Variants in LRRC4C observed in about 807,000 individuals in gnomAD.
LRRC4C encodes the protein leucine rich repeat containing 4C, also known as leucine-rich repeat-containing protein 4C.
Under a neutral mutation model 33.6 loss-of-function variants are expected in LRRC4C, and 5 were observed. The observed-to-expected ratio is 0.15, with a 90% confidence interval of 0.08 to 0.31. The LOEUF (loss-of-function observed/expected upper bound fraction) is 0.31. LRRC4C is among the 10% of genes least tolerant of loss of function. The pLI is 1.00. For synonymous variants in LRRC4C, 329 were observed against 302.0 expected, an observed-to-expected ratio of 1.09 and a Z score of -0.93; for missense variants, 560 against 796.7, an observed-to-expected ratio of 0.70 and a Z score of 3.58.
chr11:40,436,509 C>A (rs137967669), intron 3 of LRRC4C, among the ~76,000 whole-genome samples: 1 of 152,238 alleles, frequency 6.6e-6, no homozygotes, highest in East Asian at 1.9e-4. Context: ...ACAAAGTTGG[C>A]AAGGGTTAGT....
intron 4 of LRRC4C, among the ~76,000 whole-genome samples, chr11:40,261,123 T>G (rs928146931): frequency 6.6e-6 from 1 of 152,116 alleles, no homozygotes; most frequent in African/African-American, 2.4e-5. Flanking sequence ...TCAAGTGATC[T>G]TCCCACAGCA....
chr11:40,469,427 C>A (rs1054889483), intron 3 of LRRC4C, among the ~76,000 whole-genome samples: 1 of 152,268 alleles, frequency 6.6e-6, no homozygotes, highest in Admixed American at 6.5e-5. Flanking sequence ...CACCAGGGCC[C>A]TGGGTTTCAA....
chr11:40,393,927 T>C (rs1221742135), intron 3 of LRRC4C, among the ~76,000 whole-genome samples: 1 of 152,040 alleles, frequency 6.6e-6, no homozygotes, highest in Non-Finnish European at 1.5e-5. Flanking sequence ...TGGATGCACA[T>C]ATGACTCTTA....
At chr11:40,886,538 A>G (rs1955465265) in intron 2 of LRRC4C, among the ~76,000 whole-genome samples, 1 of 151,950 alleles carries the variant, frequency 6.6e-6, no homozygotes, top group Non-Finnish European at 1.5e-5. Context: ...TAGAAACAAA[A>G]GGGAGTTCTC....
At chr11:40,145,094 C>T (rs1164817692) in intron 5 of LRRC4C, among the ~76,000 whole-genome samples, 2 of 152,180 alleles carry the variant, frequency 1.3e-5, no homozygotes, top group Non-Finnish European at 2.9e-5. Flanking sequence ...GGCATGCATA[C>T]ACCCCAGTAA....
intron 1 of LRRC4C, among the ~76,000 whole-genome samples, chr11:41,336,208 C>G (rs1439275583): frequency 2.6e-5 from 4 of 151,200 alleles, no homozygotes; most frequent in African/African-American, 9.7e-5. Context: ...AAGATTTACC[C>G]TAAAAGATGA....
intron 1 of LRRC4C, among the ~76,000 whole-genome samples, chr11:41,278,605 C>A (rs1301957261): frequency 1.3e-5 from 2 of 152,146 alleles, no homozygotes; most frequent in East Asian, 3.9e-4. Context: ...TGGGCCTCGC[C>A]CCCTGTGTTT....
chr11:40,668,499 C>A (rs774898362), intron 2 of LRRC4C, among the ~76,000 whole-genome samples: 2 of 152,130 alleles, frequency 1.3e-5, no homozygotes, highest in African/African-American at 4.8e-5. Context: ...GGGAAGAAGG[C>A]GTATCTTAAT....
intron 4 of LRRC4C, among the ~76,000 whole-genome samples, chr11:40,295,166 T>C (rs1225588990): frequency 6.6e-6 from 1 of 152,180 alleles, no homozygotes; most frequent in Non-Finnish European, 1.5e-5. Flanking sequence ...AACAAAATAA[T>C]GCTATTAATA....
intron 4 of LRRC4C, among the ~76,000 whole-genome samples, chr11:40,276,808 C>G (rs1175592733): frequency 6.6e-6 from 1 of 151,332 alleles, no homozygotes; most frequent in African/African-American, 2.4e-5. Context: ...GCTGCAGTGT[C>G]TGTGTCATAA....
chr11:41,191,054 C>T (rs1284350553), intron 1 of LRRC4C, among the ~76,000 whole-genome samples: 1 of 152,136 alleles, frequency 6.6e-6, no homozygotes, highest in Non-Finnish European at 1.5e-5. Flanking sequence ...GGCCTCTTTT[C>T]TCCCAGCTAT....
chr11:40,228,964 T>C (rs150655633), intron 5 of LRRC4C, among the ~76,000 whole-genome samples: 2 of 152,328 alleles, frequency 1.3e-5, no homozygotes, highest in South Asian at 2.1e-4. Context: ...TGTCAGGCTA[T>C]CTTGCCAGAT....
chr11:41,410,422 T>C (rs993740615), intron 1 of LRRC4C, among the ~76,000 whole-genome samples: 4 of 151,648 alleles, frequency 2.6e-5, no homozygotes, highest in East Asian at 3.9e-4. Context: ...TTTTCTTTTT[T>C]TTTTTTCGAG....
chr11:40,832,938 T>C (rs939929688), intron 2 of LRRC4C, among the ~76,000 whole-genome samples: 1 of 152,148 alleles, frequency 6.6e-6, no homozygotes, highest in Non-Finnish European at 1.5e-5. Flanking sequence ...TAGAAAAACA[T>C]GCAGCTCAAC....
rs758334311 is a variant in LRRC4C at position 41,279,426 on chromosome 11, A to ACC, written c.-496+180004_-496+180005insGG. 5.2e-3 allele frequency among the ~76,000 whole-genome samples: 586 copies of ACC among 113,262 alleles called. 9 individuals carry two copies. The highest frequency in any genetic ancestry group is 0.023 in the East Asian group (69 of 2,972). The allele number at this position is 113,262 out of a possible 152,430, so 74.3% of individuals were successfully genotyped here. On this transcript the variant is annotated intron_variant, in intron 1 of 6. Coordinates refer to ENST00000528697, the MANE Select transcript of LRRC4C (RefSeq NM_001258419.2). ...CACACACACACACACACACACACAC[A>ACC]CACCGTGGCAATCACTGCCTGCAAT...
chr11:40,506,376 A>C (rs1386457294), intron 3 of LRRC4C, among the ~76,000 whole-genome samples: 1 of 152,192 alleles, frequency 6.6e-6, no homozygotes, highest in East Asian at 1.9e-4. Flanking sequence ...CTACTGAATG[A>C]AAACTTGTCA....
At chr11:40,855,794 T>A (rs1301394539) in intron 2 of LRRC4C, among the ~76,000 whole-genome samples, 2 of 152,122 alleles carry the variant, frequency 1.3e-5, no homozygotes, top group African/African-American at 2.4e-5. Flanking sequence ...GTCTTTTTTT[T>A]TATAAACTTA....
chr11:40,646,580 G>A (rs1333167325), intron 3 of LRRC4C, among the ~76,000 whole-genome samples: 1 of 152,134 alleles, frequency 6.6e-6, no homozygotes, highest in Non-Finnish European at 1.5e-5. Flanking sequence ...AATTACATAT[G>A]CTTTCAAAAA....
intron 1 of LRRC4C, among the ~76,000 whole-genome samples, chr11:41,199,932 G>A (rs1946337717): frequency 1.3e-5 from 2 of 152,068 alleles, no homozygotes; most frequent in African/African-American, 4.8e-5. Flanking sequence ...TCTTAAACAT[G>A]AATAAGCCAA....
Sources: allele counts gnomAD v4.1 joint callset (sites outside exome capture counted in the v4.1 genomes callset), GRCh38; gene constraint gnomAD v4.1.1; transcripts MANE v1.5; gene names NCBI Gene and HGNC (gene_info 2026-07-23, HGNC 2026-07-21).